MIA2: variants seen among roughly 807,000 people sequenced by gnomAD.
The protein encoded by MIA2 is melanoma inhibitory activity protein 2.
MIA2 carries 127 observed loss-of-function variants against 167.8 expected under a neutral mutation model. The ratio of observed to expected loss-of-function variants is 0.76; its 90% CI spans 0.66 to 0.88. The LOEUF (loss-of-function observed/expected upper bound fraction) is 0.88, where lower values mean the gene tolerates loss of function less well. Ranked by LOEUF, MIA2 falls within the 40% of genes least tolerant of loss-of-function variation. The pLI, the probability that MIA2 is intolerant of heterozygous loss-of-function variation, is 0.00. For synonymous variants in MIA2, 552 were observed against 541.9 expected (o/e 1.02, Z -0.26); for missense variants, 1,690 against 1,624.7 (o/e 1.04, Z -0.69).
intron 25 of MIA2, among the ~76,000 whole-genome samples, chr14:39,332,150 TG>T (rs1198552395): frequency 6.6e-6 from 1 of 152,162 alleles, no homozygotes; most frequent in Non-Finnish European, 1.5e-5. Context: ...ATTTTATTCT[TG>T]TTTCTCTAAT....
At chr14:39,260,095 A>G (rs2055020997) in intron 6 of MIA2, among the ~76,000 whole-genome samples, 2 of 151,978 alleles carry the variant, frequency 1.3e-5, no homozygotes, top group South Asian at 4.1e-4. Context: ...CATTTTCTTA[A>G]TCCAGTCTGT....
At chr14:39,317,674 T>G (rs1446420050) in intron 21 of MIA2, among the ~76,000 whole-genome samples, 2 of 152,220 alleles carry the variant, frequency 1.3e-5, no homozygotes, top group African/African-American at 4.8e-5. Flanking sequence ...ATCTACTCAG[T>G]AACTGTAAAG....
Position 39,308,521 on chromosome 14 carries a change from A to T in MIA2, c.2951A>T (p.Gln984Leu). The change falls in exon 18 of 29, where the codon CAG becomes CTG. Residue 984 changes from glutamine to leucine, a missense_variant. Physicochemically the swap from Gln to Leu is moderately radical, Grantham distance 113. Transcript: ENST00000640607. Reference protein sequence around the residue: ...SENTHFENENQKLQQKLKVMT... With the variant: ...SENTHFENENLKLQQKLKVMT... ...AACACACATTTTGAAAATGAGAATCAGAAGCTTCAACAGAAACTTAAAGTA... is the reference window on the plus strand; with the variant it reads ...AACACACATTTTGAAAATGAGAATCTGAAGCTTCAACAGAAACTTAAAGTA... The T allele has an allele frequency of 4.4e-6, 7 of 1,580,526 alleles. No individual in the cohort carries two copies. The highest frequency in any genetic ancestry group is 1.2e-5 in the South Asian group (1 of 86,436).
chr14:39,323,462 A>G (rs1420407213), intron 24 of MIA2, among the ~76,000 whole-genome samples: 3 of 55,564 alleles, frequency 5.4e-5, no homozygotes, highest in African/African-American at 7.5e-5. Flanking sequence ...CCACCCCTCC[A>G]TTTTTTACCT....
chr14:39,365,900 T>C (rs2074812347), intron 23 of MIA2, among the ~76,000 whole-genome samples: 1 of 152,200 alleles, frequency 6.6e-6, no homozygotes. Context: ...TTTTTATGTT[T>C]TTTGTCTCCT....
intron 20 of MIA2, 48 bp from the exon 21 acceptor site, chr14:39,315,635 C>G: frequency 7.1e-7 from 1 of 1,412,530 alleles, no homozygotes; most frequent in Non-Finnish European, 9.9e-7. Context: ...ATGTTTTTTA[C>G]TTAAGAAAAA....
chr14:39,262,489 G>C (rs2055171333), intron 6 of MIA2, among the ~76,000 whole-genome samples: 1 of 152,128 alleles, frequency 6.6e-6, no homozygotes, highest in Non-Finnish European at 1.5e-5. Flanking sequence ...GGACTGTCTT[G>C]GCAATGTGGG....
At position 39,325,468 on chromosome 14, in the gene MIA2, A is replaced by C. The variant is rs368714913; in HGVS notation, c.3497-1396A>C. On this transcript the variant is annotated intron_variant, in intron 24 of 28. Transcript: ENST00000640607. Reference sequence around the variant, plus strand: ...CTGCAACCTCCTCCTCCTGAGTTCAAGCCATTCTTCTGCCTCAGCCTCCTG... The same window carrying C: ...CTGCAACCTCCTCCTCCTGAGTTCACGCCATTCTTCTGCCTCAGCCTCCTG... Among the ~76,000 whole-genome samples the C allele has an allele frequency of 2.5e-4, 37 of 149,512 alleles. 1 individual carries two copies. In the South Asian group the frequency reaches 4.9e-3, roughly 20 times the overall value.
At chr14:39,293,755 G>GT (rs2061038282) in intron 11 of MIA2, among the ~76,000 whole-genome samples, 1 of 152,150 alleles carries the variant, frequency 6.6e-6, no homozygotes, top group South Asian at 2.1e-4. Context: ...AGTAAAACAT[G>GT]TTAGTGGACT....
At chr14:39,320,418 T>C (rs1198568661) in intron 23 of MIA2, among the ~76,000 whole-genome samples, 1 of 152,166 alleles carries the variant, frequency 6.6e-6, no homozygotes, top group African/African-American at 2.4e-5. Context: ...CAAAAGTAAA[T>C]TGTGATCTTG....
At chr14:39,318,786 A>G (rs553987129) in intron 22 of MIA2, among the ~76,000 whole-genome samples, 1 of 152,286 alleles carries the variant, frequency 6.6e-6, no homozygotes, top group East Asian at 1.9e-4. Flanking sequence ...GAAAGCATAC[A>G]TGACTCAAAG....
In MIA2 at chr14:39,384,352, C is replaced by T. The variant is rs568785593; in HGVS notation, c.2249-2533C>T. ...CGACCTACTGCTCAGAAAAAGGCTCCTTTTAAAATTACTTCTCATTGACAA... is the reference window on the plus strand; with the variant it reads ...CGACCTACTGCTCAGAAAAAGGCTCTTTTTAAAATTACTTCTCATTGACAA... On this transcript the variant is annotated intron_variant, in intron 23 of 23. Coordinates refer to the MIA2 transcript ENST00000341502. Among the ~76,000 whole-genome samples, 268 of 152,246 alleles carry T rather than the reference C, an allele frequency of 1.8e-3. 2 individuals are homozygous for T. The highest frequency in any genetic ancestry group is 6.8e-3 in the Middle Eastern group (2 of 294).
chr14:39,355,112 A>G (rs1290422890), downstream of MIA2, among the ~76,000 whole-genome samples: 1 of 151,040 alleles, frequency 6.6e-6, no homozygotes, highest in Non-Finnish European at 1.5e-5. Context: ...TGGTAGCTTG[A>G]TGGGGATGGC....
At chr14:39,289,249 C>T (rs1256289372) in intron 9 of MIA2, among the ~76,000 whole-genome samples, 2 of 149,140 alleles carry the variant, frequency 1.3e-5, no homozygotes, top group Non-Finnish European at 3.0e-5. Flanking sequence ...TTGAGACAGT[C>T]TTGCTATGTC....
chr14:39,254,027 T>A (rs974672671), intron 6 of MIA2, among the ~76,000 whole-genome samples: 13 of 152,192 alleles, frequency 8.5e-5, no homozygotes, highest in African/African-American at 3.1e-4. Context: ...AAAGTAATAA[T>A]TTTAATATAG....
intron 4 of MIA2, among the ~76,000 whole-genome samples, chr14:39,250,064 G>A (rs1013017725): frequency 6.6e-6 from 1 of 151,988 alleles, no homozygotes; most frequent in Non-Finnish European, 1.5e-5. Context: ...CTAATTAAAA[G>A]GTAAATTCTC....
intron 25 of MIA2, among the ~76,000 whole-genome samples, chr14:39,342,890 C>T (rs1012016128): frequency 6.6e-6 from 1 of 152,084 alleles, no homozygotes; most frequent in African/African-American, 2.4e-5. Flanking sequence ...CTTTCCTTAT[C>T]AGCCTTACCT....
chr14:39,353,747 A>T (rs932993861), downstream of MIA2, among the ~76,000 whole-genome samples: 7 of 152,032 alleles, frequency 4.6e-5, no homozygotes, highest in Admixed American at 4.6e-4. Flanking sequence ...CTGGTTTGTG[A>T]TGTTCCCCTT....
chr14:39,298,514 T>C (rs1168709137), intron 13 of MIA2, among the ~76,000 whole-genome samples: 7 of 103,802 alleles, frequency 6.7e-5, no homozygotes, highest in African/African-American at 2.1e-4. Context: ...CAATAATTAC[T>C]GTTTGGTAGA....
Sources: gnomAD v4.1 joint callset for allele counts (sites outside exome capture counted in the v4.1 genomes callset) on GRCh38, gnomAD v4.1.1 for gene constraint, MANE v1.5 for transcripts, NCBI Gene and HGNC (gene_info 2026-07-23, HGNC 2026-07-21) for gene names.